DLGAP2: variants seen among roughly 807,000 people sequenced by gnomAD.
DLGAP2 encodes the protein DLG associated protein 2, also known as disks large-associated protein 2.
In DLGAP2, 26 loss-of-function variants were observed where a neutral mutation model predicts 100.3. That is an observed-to-expected ratio of 0.26 (90% CI 0.19 to 0.36). DLGAP2 has a LOEUF of 0.36. Ranked by LOEUF, DLGAP2 falls within the 10% of genes least tolerant of loss-of-function variation. The pLI, the probability that DLGAP2 is intolerant of heterozygous loss-of-function variation, is 1.00. For missense variants in DLGAP2, 1,858 were observed against 1,453.2 expected (o/e 1.28, Z -4.53); for synonymous variants, 886 against 630.1 (o/e 1.41, Z -6.08).
At chr8:1,417,727 A>ACGGGGAGGCCTCACTCCTGCCTCACT in intron 3 of DLGAP2, among the ~76,000 whole-genome samples, 8 of 111,504 alleles carry the variant, frequency 7.2e-5, no homozygotes, top group Non-Finnish European at 1.0e-4. Context: ...GAGGCTCCAG[A>ACGGGGAGGCCTCACTCCTGCCTCACT]CACAGAAGCC....
At chr8:1,581,847 G>A (rs935805368) in intron 6 of DLGAP2, among the ~76,000 whole-genome samples, 1 of 149,456 alleles carries the variant, frequency 6.7e-6, no homozygotes, top group Non-Finnish European at 1.5e-5. Flanking sequence ...GAAGGATACA[G>A]ACAAACCCCC....
rs1359861616 is a variant in DLGAP2 at position 1,708,297 on chromosome 8, G to C, written c.*6891G>C. ...TCAGAAAAATTATATAGACCAAAGA[G>C]TTTTATCCGAAAAAAAATTACACTC... is the stretch of plus-strand genomic sequence containing the variant. On this transcript the variant is annotated 3_prime_UTR_variant, in exon 15 of 15. Coordinates refer to ENST00000637795, the MANE Select transcript of DLGAP2 (RefSeq NM_001346810.2). The C allele has an allele frequency of 6.6e-6, 1 of 151,696 alleles. No homozygotes were observed. Among genetic ancestry groups the C allele is most frequent in the Non-Finnish European group, 1.5e-5 (1 of 67,912 alleles). The allele number at this position is 151,696 out of a possible 1,614,324, so 9.4% of individuals were successfully genotyped here. A position where few individuals can be genotyped will look rare whatever the true frequency, so the allele number is the denominator to read the frequency against.
intron 1 of DLGAP2, among the ~76,000 whole-genome samples, chr8:883,953 C>T (rs1170789493): frequency 6.6e-6 from 1 of 152,204 alleles, no homozygotes; most frequent in Non-Finnish European, 1.5e-5. Flanking sequence ...ATCCATGTCC[C>T]TGAAAAGGAC....
chr8:1,107,868 G>A (rs1450662450), intron 2 of DLGAP2, among the ~76,000 whole-genome samples: 1 of 152,170 alleles, frequency 6.6e-6, no homozygotes, highest in Admixed American at 6.5e-5. Flanking sequence ...GCTGACAAAT[G>A]TCTATAGCTC....
chr8:949,387 CG>C (rs1339071337), intron 2 of DLGAP2, among the ~76,000 whole-genome samples: 1 of 152,170 alleles, frequency 6.6e-6, no homozygotes, highest in African/African-American at 2.4e-5. Flanking sequence ...TTTAGAGCCA[CG>C]GATTGGCTGG....
intron 2 of DLGAP2, among the ~76,000 whole-genome samples, chr8:1,161,946 T>G (rs928822814): frequency 2.0e-5 from 3 of 152,218 alleles, no homozygotes; most frequent in Non-Finnish European, 4.4e-5. Flanking sequence ...GTGTGCCAAG[T>G]CAGGGGTGCG....
At chr8:1,242,921 TAGAC>T (rs1422782357) in intron 2 of DLGAP2, among the ~76,000 whole-genome samples, 2 of 109,152 alleles carry the variant, frequency 1.8e-5, no homozygotes, top group African/African-American at 3.5e-5. Context: ...GATGGACAGA[TAGAC>T]AGTGGATGGA....
At chr8:881,955 C>T (rs73673028) in intron 1 of DLGAP2, among the ~76,000 whole-genome samples, 19,917 of 152,042 alleles carry the variant, frequency 0.13, 1,584 homozygotes, top group Admixed American at 0.18. Context: ...TATCTGAGTC[C>T]CCTGCCATGC....
chr8:1,076,974 G>T (rs369890343), intron 2 of DLGAP2, among the ~76,000 whole-genome samples: 58 of 142,716 alleles, frequency 4.1e-4, no homozygotes, highest in African/African-American at 1.5e-3. Context: ...GGGAGGAGGA[G>T]TCTGTCCCGG....
intron 3 of DLGAP2, among the ~76,000 whole-genome samples, chr8:1,291,319 T>G (rs1341485539): frequency 6.6e-6 from 1 of 151,986 alleles, no homozygotes; most frequent in East Asian, 1.9e-4. Context: ...GATAAAGGGA[T>G]GGGAAAAGTG....
chr8:1,554,920 C>T (rs929726858), intron 5 of DLGAP2, among the ~76,000 whole-genome samples: 8 of 152,136 alleles, frequency 5.3e-5, no homozygotes, highest in Admixed American at 5.2e-4. Context: ...GTTTTAGGGG[C>T]AAAAGAGGGA....
chr8:920,384 G>A lies in DLGAP2; in HGVS notation c.73+12418G>A, dbSNP rs184955229. ...ATCCACATTCCCAGGTTCAAGGACT[G>A]TAGAAGCTTCCCTTTCTACGGAGCA... On this transcript the variant is annotated intron_variant, in intron 2 of 14. Coordinates refer to ENST00000637795, the MANE Select transcript of DLGAP2 (RefSeq NM_001346810.2). Among the ~76,000 whole-genome samples the A allele has an allele frequency of 5.3e-4, 80 of 152,366 alleles. 1 individual carries two copies. The highest frequency in any genetic ancestry group is 1.9e-3 in the African/African-American group (77 of 41,590).
intron 2 of DLGAP2, among the ~76,000 whole-genome samples, chr8:928,359 G>A (rs1335861130): frequency 1.3e-5 from 2 of 152,148 alleles, no homozygotes; most frequent in East Asian, 3.9e-4. Flanking sequence ...AGGTGTCCTG[G>A]TCGGGGATTT....
chr8:1,704,542 G>A lies in DLGAP2; in HGVS notation c.*3136G>A, dbSNP rs1295047469. The A allele has an allele frequency of 6.6e-6, 1 of 152,188 alleles. No homozygotes were observed. Among genetic ancestry groups the A allele is most frequent in the African/African-American group, 2.4e-5 (1 of 41,438 alleles). 9.4% of individuals were successfully genotyped at this position (152,188 alleles called of 1,614,324 possible). ...TGTTGTGTTTGAAGTAAAACTAGTT[G>A]TTATCGATGACAATTTTTACCATAG... On this transcript the variant is annotated 3_prime_UTR_variant, in exon 15 of 15. Coordinates refer to ENST00000637795, the MANE Select transcript of DLGAP2 (RefSeq NM_001346810.2).
At chr8:902,040 G>T (rs2128997539) in intron 1 of DLGAP2, among the ~76,000 whole-genome samples, 1 of 152,294 alleles carries the variant, frequency 6.6e-6, no homozygotes, top group South Asian at 2.1e-4. Context: ...TCCAAGCCAT[G>T]GTCATCGGAA....
chr8:1,197,780 C>T (rs534012319), intron 2 of DLGAP2, among the ~76,000 whole-genome samples: 35 of 152,372 alleles, frequency 2.3e-4, no homozygotes, highest in Admixed American at 1.3e-3. Flanking sequence ...ACCAGATGTC[C>T]ACATGAACCG....
At chr8:1,663,443 C>T (rs11777547) in intron 8 of DLGAP2, among the ~76,000 whole-genome samples, 32,151 of 151,958 alleles carry the variant, frequency 0.21, 4,189 homozygotes, top group East Asian at 0.48. Context: ...ATCTCCGCTT[C>T]GTGGGACGCC....
At chr8:1,254,962 C>CTGTG (rs1799145149) in intron 2 of DLGAP2, among the ~76,000 whole-genome samples, 2 of 59,402 alleles carry the variant, frequency 3.4e-5, no homozygotes, top group African/African-American at 3.0e-4. Flanking sequence ...GTGTGTGTGT[C>CTGTG]CTCTCATCCT....
intron 6 of DLGAP2, among the ~76,000 whole-genome samples, chr8:1,592,657 C>T (rs148223338): frequency 1.6e-3 from 237 of 152,278 alleles, no homozygotes; most frequent in African/African-American, 5.4e-3. Context: ...GGAGAATTCT[C>T]CGTGTGTCAT....
Sources: gnomAD v4.1 joint callset for allele counts (sites outside exome capture counted in the v4.1 genomes callset) on GRCh38, gnomAD v4.1.1 for gene constraint, MANE v1.5 for transcripts, NCBI Gene and HGNC (gene_info 2026-07-23, HGNC 2026-07-21) for gene names.